The following PODXL variants were observed in gnomAD, a reference collection of about 807,000 sequenced individuals.
PODXL encodes podocalyxin.
Under a neutral mutation model 48.9 loss-of-function variants are expected in PODXL, and 20 were observed. The observed-to-expected ratio is 0.41, with a 90% confidence interval of 0.29 to 0.59. PODXL has a LOEUF of 0.59. PODXL is among the 20% of genes least tolerant of loss of function. PODXL has a pLI of 0.31. For missense variants in PODXL, 606 were observed against 675.1 expected, an observed-to-expected ratio of 0.90 and a Z score of 1.13; for synonymous variants, 295 against 287.4, an observed-to-expected ratio of 1.03 and a Z score of -0.27.
chr7:131,507,898 A>C (rs1240725122), intron 5 of PODXL, among the ~76,000 whole-genome samples: 1 of 152,202 alleles, frequency 6.6e-6, no homozygotes, highest in East Asian at 1.9e-4. Flanking sequence ...CATAATGGAC[A>C]CCCAAAAGAA....
chr7:131,549,626 G>A (rs73722859), intron 1 of PODXL, among the ~76,000 whole-genome samples: 2,494 of 152,254 alleles, frequency 0.016, 63 homozygotes, highest in African/African-American at 0.057. Context: ...ATCAGACAGC[G>A]TAGACCCCAG....
intron 1 of PODXL, among the ~76,000 whole-genome samples, chr7:131,529,315 C>T (rs530322014): frequency 1.5e-4 from 23 of 152,216 alleles, no homozygotes; most frequent in Middle Eastern, 3.4e-3. Flanking sequence ...CCAGCTCCCC[C>T]GGGGGCCAGG....
At chr7:131,506,072 CCT>C in intron 7 of PODXL, 37 bp from the exon 8 acceptor site, 1 of 1,592,136 alleles carries the variant, frequency 6.3e-7, no homozygotes, top group Non-Finnish European at 8.6e-7. Context: ...CTGGGGGCAT[CCT>C]CTCTCCCTCA....
At chr7:131,509,334 C>G (rs747926187) in intron 4 of PODXL, 31 bp downstream of exon 4, 1 of 1,538,244 alleles carries the variant, frequency 6.5e-7, no homozygotes, top group African/African-American at 1.4e-5. Flanking sequence ...AGTCTGGGTT[C>G]TCCTACTTGC....
At chr7:131,539,971 C>T (rs910481688) in intron 1 of PODXL, among the ~76,000 whole-genome samples, 2 of 152,200 alleles carry the variant, frequency 1.3e-5, no homozygotes, top group African/African-American at 2.4e-5. Context: ...CCAGACTCTG[C>T]GCCACGTTCT....
intron 1 of PODXL, among the ~76,000 whole-genome samples, chr7:131,533,870 C>T (rs918652338): frequency 2.6e-5 from 4 of 152,212 alleles, no homozygotes; most frequent in Non-Finnish European, 1.5e-5. Context: ...CTCGACTTAA[C>T]ATAAATGTCT....
chr7:131,510,828 G>C lies in PODXL; in HGVS notation c.706C>G (p.Leu236Val), dbSNP rs184433959. 3 of 1,613,994 alleles carry C rather than the reference G, an allele frequency of 1.9e-6. No individual in the cohort carries two copies. Among genetic ancestry groups the C allele is most frequent in the Admixed American group, 1.7e-5 (1 of 60,002 alleles). The change falls in exon 2 of 9, where the codon CTA becomes GTA. Residue 236 changes from leucine to valine, a missense_variant and splice_region_variant. Leu to Val is a conservative substitution (Grantham distance 32, BLOSUM62 1). Transcript: ENST00000378555. ...TTGAAGAAAACCAGGCATTACTTAC[G>C]TAGGGTGGTGGTCATCCCCGGGCTT... is the stretch of plus-strand genomic sequence containing the variant. ...FTSPGMTTTL[L>V]ETVFHHVSQA...
chr7:131,514,835 C>T (rs1181186777), intron 1 of PODXL, among the ~76,000 whole-genome samples: 2 of 152,114 alleles, frequency 1.3e-5, no homozygotes, highest in Non-Finnish European at 2.9e-5. Context: ...TCTCAAACTT[C>T]TAGGCTCAAG....
chr7:131,508,723 G>A (rs1239550024), intron 5 of PODXL, among the ~76,000 whole-genome samples: 1 of 147,930 alleles, frequency 6.8e-6, no homozygotes, highest in Non-Finnish European at 1.5e-5. Flanking sequence ...GGGAGGGGGG[G>A]GTCCAGTCCT....
intron 1 of PODXL, among the ~76,000 whole-genome samples, chr7:131,518,695 C>T (rs1362422056): frequency 6.6e-6 from 1 of 152,144 alleles, no homozygotes. Context: ...TTGGTAAAGC[C>T]TATGGTCTGT....
intron 1 of PODXL, among the ~76,000 whole-genome samples, chr7:131,523,690 A>G (rs1468483623): frequency 2.7e-5 from 4 of 147,322 alleles, no homozygotes; most frequent in South Asian, 2.1e-4. Flanking sequence ...AAAAAAAAAA[A>G]AAAAAAAAAA....
At chr7:131,507,752 G>A (rs1472057207) in intron 5 of PODXL, among the ~76,000 whole-genome samples, 1 of 152,112 alleles carries the variant, frequency 6.6e-6, no homozygotes, top group Non-Finnish European at 1.5e-5. Flanking sequence ...GGCTGGGCGG[G>A]CACCTGACTG....
At chr7:131,506,172 G>T in intron 7 of PODXL, 88 bp downstream of exon 7, 1 of 1,554,658 alleles carries the variant, frequency 6.4e-7, no homozygotes, top group Admixed American at 1.7e-5. Context: ...ACATGACGGG[G>T]TTCCTCCCCA....
In PODXL at chr7:131,549,906, T is replaced by C. The variant is rs1309498953; in HGVS notation, c.100+6354A>G. On this transcript the variant is annotated intron_variant, in intron 1 of 8. Transcript: ENST00000378555. The stretch of plus-strand genomic sequence containing the variant: ...TATATGTCGGGGAAGGGGGTGGGGA[T>C]GGTTGGAGGTGGCCCAGGGGCCAAC... Among the ~76,000 whole-genome samples, 3 of 151,814 alleles carry C rather than the reference T, an allele frequency of 2.0e-5. No homozygotes were observed. The East Asian group carries it at 5.8e-4, about 29-fold the overall frequency.
Position 131,502,011 on chromosome 7 carries a change from G to C in PODXL, c.*2300C>G, listed in dbSNP as rs1343167930. Reference sequence around the variant, plus strand: ...AGTCAGGAGAGTCAGGACCGACCTGGCCAGGCACTCCTGCTCTCTAGTCCT... The same window carrying C: ...AGTCAGGAGAGTCAGGACCGACCTGCCCAGGCACTCCTGCTCTCTAGTCCT... On this transcript the variant is annotated 3_prime_UTR_variant, in exon 9 of 9. Coordinates refer to ENST00000378555, the MANE Select transcript of PODXL (RefSeq NM_001018111.3). The C allele has an allele frequency of 1.3e-5, 2 of 152,156 alleles. No individual in the cohort carries two copies. The highest frequency in any genetic ancestry group is 6.6e-5 in the Admixed American group (1 of 15,264). 9.4% of individuals were successfully genotyped at this position (152,156 alleles called of 1,614,324 possible).
intron 1 of PODXL, among the ~76,000 whole-genome samples, chr7:131,531,905 G>A (rs2116835921): frequency 6.6e-6 from 1 of 151,430 alleles, no homozygotes; most frequent in South Asian, 2.1e-4. Flanking sequence ...GAGGTTGGGA[G>A]TTTGAGACCA....
chr7:131,506,635 C>A lies in PODXL; in HGVS notation c.1193G>T (p.Arg398Leu), dbSNP rs201911803. 2.5e-6 allele frequency: 4 copies of A among 1,614,190 alleles called. No homozygotes were observed. The South Asian group carries it at 4.4e-5, about 18-fold the overall frequency. ...CTGACTTCCTGGAACAGATGCCAGC[C>A]GTATGCCGCACTTATCTTGGGCCGG... is the stretch of plus-strand genomic sequence containing the variant. ...FNPAQDKCGI[R>L]LASVPGSQTV... Residue 398 changes from arginine (R) to leucine (L), a missense_variant, in exon 6 of 9, where the codon CGG becomes CTG. Physicochemically the swap from Arg to Leu is moderately radical, Grantham distance 102. Transcript: ENST00000378555.
intron 1 of PODXL, among the ~76,000 whole-genome samples, chr7:131,554,987 C>A (rs577277457): frequency 6.6e-6 from 1 of 152,330 alleles, no homozygotes; most frequent in South Asian, 2.1e-4. Flanking sequence ...CTTCCCCCCG[C>A]CGGGACCTTC....
At chr7:131,540,984 T>C (rs1244409879) in intron 1 of PODXL, among the ~76,000 whole-genome samples, 1 of 152,218 alleles carries the variant, frequency 6.6e-6, no homozygotes, top group Non-Finnish European at 1.5e-5. Context: ...GGCAGCAAGT[T>C]CAGCTCTCCA....
Sources: gnomAD v4.1 joint callset for allele counts (sites outside exome capture counted in the v4.1 genomes callset) on GRCh38, gnomAD v4.1.1 for gene constraint, MANE v1.5 for transcripts, NCBI Gene and HGNC (gene_info 2026-07-23, HGNC 2026-07-21) for gene names.